Variants in ARHGAP25 observed in about 807,000 individuals in gnomAD.
ARHGAP25 encodes rho GTPase-activating protein 25.
In ARHGAP25, 34 loss-of-function variants were observed where a neutral mutation model predicts 71.0. The ratio of observed to expected loss-of-function variants is 0.48; its 90% confidence interval spans 0.36 to 0.64. The LOEUF (loss-of-function observed/expected upper bound fraction) is 0.64, where lower values mean the gene tolerates loss of function less well. Among genes scored for constraint, ARHGAP25 ranks in the 30% least tolerant of loss-of-function variants. The pLI is 0.00. For missense variants in ARHGAP25, 706 were observed against 805.1 expected (o/e 0.88, Z 1.49); for synonymous variants, 282 against 296.5 (o/e 0.95, Z 0.50).
Position 68,793,035 on chromosome 2 carries a change from G to A in ARHGAP25, c.466+5079G>A, listed in dbSNP as rs191097896. On this transcript the variant is annotated intron_variant, in intron 4 of 10. Coordinates refer to ENST00000409202, the MANE Select transcript of ARHGAP25 (RefSeq NM_001007231.3). The stretch of plus-strand genomic sequence containing the variant: ...TTCTCTGATGATTATTAATGTTGAG[G>A]ATTTTTTTCATATGCATGTTTGTCA... 1.9e-3 allele frequency among the ~76,000 whole-genome samples: 284 copies of A among 152,134 alleles called. 1 individual carries two copies. The highest frequency in any genetic ancestry group is 6.5e-3 in the African/African-American group (271 of 41,534).
Position 68,782,289 on chromosome 2 carries a change from A to G in ARHGAP25, c.318A>G (p.Glu106=), listed in dbSNP as rs372160539. 2.3e-5 allele frequency: 37 copies of G among 1,614,078 alleles called. No individual in the cohort carries two copies. Among genetic ancestry groups the G allele is most frequent in the Non-Finnish European group, 3.1e-5 (37 of 1,180,016 alleles). ...AGGAGATCGCCACAAACCCAGAAGA[A>G]GCTGGGAAGTTTGTCTTTGAAATCA... ...TIKEIATNPE[E]AGKFVFEIIP... Residue 106 remains glutamate (E), a synonymous_variant, in exon 3 of 11, where the codon GAA becomes GAG. Transcript: ENST00000409202.
intron 9 of ARHGAP25, among the ~76,000 whole-genome samples, chr2:68,820,409 A>G (rs1681557981): frequency 6.6e-6 from 1 of 152,172 alleles, no homozygotes; most frequent in Non-Finnish European, 1.5e-5. Flanking sequence ...ATGTAGTAGC[A>G]CTAGCTTGTT....
rs1221120529 is a variant in ARHGAP25, at chr2:68,735,074, G to A, written c.-126G>A. On this transcript the variant is annotated 5_prime_UTR_variant, in exon 1 of 11. The change creates a new upstream start codon in the 5' untranslated region. Transcript: ENST00000409202. ...ATCAGCCTCAAGCCTAAGATTGCTT[G>A]TGAAGCAATCATAAGGAGGAACAAA... is the stretch of plus-strand genomic sequence containing the variant. The A allele has an allele frequency of 2.4e-6, 2 of 834,228 alleles. No homozygotes were observed. The highest frequency in any genetic ancestry group is 2.5e-5 in the East Asian group (1 of 40,556). 51.7% of individuals were successfully genotyped at this position (834,228 alleles called of 1,614,324 possible). A position where few individuals can be genotyped will look rare whatever the true frequency, so the allele number is the denominator to read the frequency against.
intron 1 of ARHGAP25, among the ~76,000 whole-genome samples, chr2:68,772,015 C>G (rs1389623678): frequency 6.6e-6 from 1 of 152,226 alleles, no homozygotes; most frequent in African/African-American, 2.4e-5. Flanking sequence ...CCAGGTCATT[C>G]TGCAACGCAC....
In ARHGAP25 at chr2:68,805,632, G is replaced by A. The variant is rs1478624038; in HGVS notation, c.467-1641G>A. 2.0e-5 allele frequency among the ~76,000 whole-genome samples: 3 copies of A among 152,098 alleles called. 1 individual carries two copies. The highest frequency in any genetic ancestry group is 7.2e-5 in the African/African-American group (3 of 41,404). ...GCAGGAGGGTTTCGAACATGATAGA[G>A]AGAAGAGACTGTAGCGGTTACAGGT... On this transcript the variant is annotated intron_variant, in intron 4 of 10. Transcript: ENST00000409202.
At chr2:68,753,557 G>C (rs140592698) in intron 1 of ARHGAP25, among the ~76,000 whole-genome samples, 1 of 152,176 alleles carries the variant, frequency 6.6e-6, no homozygotes, top group Non-Finnish European at 1.5e-5. Context: ...GCGTGGCATC[G>C]CATGGCTTTC....
At chr2:68,758,882 A>G (rs1676641970) in intron 1 of ARHGAP25, among the ~76,000 whole-genome samples, 1 of 151,958 alleles carries the variant, frequency 6.6e-6, no homozygotes, top group Non-Finnish European at 1.5e-5. Flanking sequence ...TCGATTTTAA[A>G]AGGTAGGTAT....
At chr2:68,746,130 C>G (rs1675796269) in intron 1 of ARHGAP25, among the ~76,000 whole-genome samples, 1 of 152,088 alleles carries the variant, frequency 6.6e-6, no homozygotes, top group South Asian at 2.1e-4. Flanking sequence ...AGTAAATTCA[C>G]TTTCATTTTC....
At chr2:68,762,694 CAGAAAA>C (rs1281029387) in intron 1 of ARHGAP25, among the ~76,000 whole-genome samples, 1 of 151,840 alleles carries the variant, frequency 6.6e-6, no homozygotes, top group Non-Finnish European at 1.5e-5. Context: ...TAAAAACAAA[CAGAAAA>C]AGAAAAAAGA....
chr2:68,820,017 C>T (rs768792605), intron 9 of ARHGAP25, among the ~76,000 whole-genome samples: 2 of 152,018 alleles, frequency 1.3e-5, no homozygotes, highest in Non-Finnish European at 2.9e-5. Flanking sequence ...TCTAGTTGAC[C>T]AGATGATTCA....
intron 1 of ARHGAP25, among the ~76,000 whole-genome samples, chr2:68,756,268 G>A (rs891884606): frequency 1.3e-5 from 2 of 152,184 alleles, no homozygotes; most frequent in Admixed American, 6.5e-5. Context: ...GGGGCCGAAT[G>A]GGAAAAAATG....
chr2:68,781,523 C>G (rs1184921794), intron 2 of ARHGAP25, among the ~76,000 whole-genome samples: 2 of 152,152 alleles, frequency 1.3e-5, no homozygotes, highest in Admixed American at 6.5e-5. Context: ...CTACTAAACC[C>G]TCAGACCCCT....
At chr2:68,801,088 CA>C (rs1324014295) in intron 4 of ARHGAP25, among the ~76,000 whole-genome samples, 1 of 145,946 alleles carries the variant, frequency 6.9e-6, no homozygotes, top group South Asian at 2.2e-4. Context: ...TTAAGAGTGA[CA>C]AAACCTGACT....
At chr2:68,782,208 T>A (rs759563139) in intron 2 of ARHGAP25, 25 bp from the exon 3 acceptor site, 56 of 1,608,520 alleles carry the variant, frequency 3.5e-5, no homozygotes, top group Non-Finnish European at 2.6e-6. Context: ...TGCTTATCCT[T>A]AAGGCCTGAC....
At chr2:68,809,542 G>C (rs923331429) in intron 5 of ARHGAP25, among the ~76,000 whole-genome samples, 7 of 152,098 alleles carry the variant, frequency 4.6e-5, no homozygotes, top group Admixed American at 4.6e-4. Context: ...GTTCTGAAGA[G>C]GGGCAGTGTG....
At chr2:68,751,769 C>T (rs1473533423) in intron 1 of ARHGAP25, among the ~76,000 whole-genome samples, 1 of 152,202 alleles carries the variant, frequency 6.6e-6, no homozygotes, top group Non-Finnish European at 1.5e-5. Context: ...ATTAAGTAAT[C>T]CTGTAATAAT....
chr2:68,789,177 C>T lies in ARHGAP25; in HGVS notation c.466+1221C>T, dbSNP rs150520159. Among the ~76,000 whole-genome samples the T allele has an allele frequency of 1.9e-3, 289 of 152,136 alleles. 8 individuals are homozygous for T. The East Asian group carries it at 0.05, about 26-fold the overall frequency. Reference sequence around the variant, plus strand: ...CCTCCTGAGTAGCTGGGACTACAGGCGCCTGCCACCATGCCTGGCTAATCT... The same window carrying T: ...CCTCCTGAGTAGCTGGGACTACAGGTGCCTGCCACCATGCCTGGCTAATCT... On this transcript the variant is annotated intron_variant, in intron 4 of 10. Coordinates refer to ENST00000409202, the MANE Select transcript of ARHGAP25 (RefSeq NM_001007231.3).
chr2:68,782,497 T>C (rs1678413241), intron 3 of ARHGAP25, among the ~76,000 whole-genome samples, 177 bp downstream of exon 3: 1 of 152,228 alleles, frequency 6.6e-6, no homozygotes, highest in Non-Finnish European at 1.5e-5. Flanking sequence ...GTTTATTAAC[T>C]AGTATCAAGT....
At chr2:68,755,928 G>C (rs547956436) in intron 1 of ARHGAP25, among the ~76,000 whole-genome samples, 1 of 152,270 alleles carries the variant, frequency 6.6e-6, no homozygotes, top group Admixed American at 6.5e-5. Context: ...TTTTATGTTT[G>C]ATGAATCTCT....
Sources: gnomAD v4.1 joint callset for allele counts (sites outside exome capture counted in the v4.1 genomes callset) on GRCh38, gnomAD v4.1.1 for gene constraint, MANE v1.5 for transcripts, NCBI Gene and HGNC (gene_info 2026-07-23, HGNC 2026-07-21) for gene names.